The following GORASP1 variants were observed in gnomAD, a reference collection of about 807,000 sequenced individuals.
GORASP1 encodes the protein golgi reassembly stacking protein 1.
In GORASP1, 31 loss-of-function variants were observed where a neutral mutation model predicts 37.7. That is an observed-to-expected ratio of 0.82 (90% CI 0.62 to 1.11). GORASP1 has a LOEUF of 1.11. GORASP1 is among the 50% of genes least tolerant of loss of function. The pLI is 0.00. For synonymous variants in GORASP1, 204 were observed against 224.8 expected (o/e 0.91, Z 0.83); for missense variants, 476 against 560.7 (o/e 0.85, Z 1.53).
chr3:39,098,098 G>C lies in GORASP1; in HGVS notation c.*138C>G, dbSNP rs1486506798. ...AAGATATCCTCCCACAAGGCCCATG[G>C]CCCCCTCTCACCACCCACTGAGGCC... is the stretch of plus-strand genomic sequence containing the variant. On this transcript the variant is annotated 3_prime_UTR_variant, in exon 9 of 9. Coordinates refer to ENST00000319283, the MANE Select transcript of GORASP1 (RefSeq NM_031899.4). This position sits in a 1 kb window ranked among gnomAD's most constrained non-coding sequence, Gnocchi z 4.7. 14 of 1,001,810 alleles carry C rather than the reference G, an allele frequency of 1.4e-5. No homozygotes were observed. Among genetic ancestry groups the C allele is most frequent in the Non-Finnish European group, 2.1e-5 (14 of 680,978 alleles). 62.1% of individuals were successfully genotyped at this position (1,001,810 alleles called of 1,614,324 possible). A position where few individuals can be genotyped will look rare whatever the true frequency, so the allele number is the denominator to read the frequency against.
Position 39,102,534 on chromosome 3 carries a change from TC to T in GORASP1, c.348+143del. 1 of 758,890 alleles carries T rather than the reference TC, an allele frequency of 1.3e-6. No individual in the cohort carries two copies. Among genetic ancestry groups the T allele is most frequent in the South Asian group, 1.7e-5 (1 of 60,100 alleles). 47.0% of individuals were successfully genotyped at this position (758,890 alleles called of 1,614,324 possible). On this transcript the variant is annotated intron_variant, in intron 3 of 8. Coordinates refer to ENST00000319283, the MANE Select transcript of GORASP1 (RefSeq NM_031899.4). This position sits in a 1 kb window ranked among gnomAD's most constrained non-coding sequence, Gnocchi z 5.0. Reference sequence around the variant, plus strand: ...TCTGGGACACTGGAATGAGACCACATCCTGCCCTCAGTCTTCCCTGGCCACT... The same window carrying T: ...TCTGGGACACTGGAATGAGACCACATCTGCCCTCAGTCTTCCCTGGCCACT...
rs2035983014 is a variant in GORASP1 at position 39,105,472 on chromosome 3, T to C, written c.64-1919A>G. The stretch of plus-strand genomic sequence containing the variant: ...GTGTCATTTAACCTTTTTAATAACC[T>C]CAAATGACAAATGAGACCAAGTACT... On this transcript the variant is annotated intron_variant, in intron 1 of 8. Coordinates refer to ENST00000319283, the MANE Select transcript of GORASP1 (RefSeq NM_031899.4). The surrounding 1 kb of genome is among the most constrained non-coding windows in gnomAD (Gnocchi z 5.4). Among the ~76,000 whole-genome samples, 1 of 152,126 alleles carries C rather than the reference T, an allele frequency of 6.6e-6. No individual in the cohort carries two copies. The highest frequency in any genetic ancestry group is 2.4e-5 in the African/African-American group (1 of 41,422).
chr3:39,098,958 GGCTC>G lies in GORASP1; in HGVS notation c.917-69_917-66del. The stretch of plus-strand genomic sequence containing the variant: ...CTGACTGCTGGAAAGCAGCACCCTG[GGCTC>G]ACCTTGCCTAGGGCATCTGGCCCAG... On this transcript the variant is annotated intron_variant, in intron 7 of 8. Coordinates refer to ENST00000319283, the MANE Select transcript of GORASP1 (RefSeq NM_031899.4). The surrounding 1 kb of genome is among the most constrained non-coding windows in gnomAD (Gnocchi z 4.7). The G allele has an allele frequency of 6.3e-7, 1 of 1,593,778 alleles. No homozygotes were observed. The highest frequency in any genetic ancestry group is 8.6e-7 in the Non-Finnish European group (1 of 1,168,978).
intron 7 of GORASP1, chr3:39,099,128 ACT>A (rs1484311302): frequency 9.0e-6 from 7 of 774,520 alleles, no homozygotes; most frequent in African/African-American, 1.7e-5. Flanking sequence ...GTAGGCATAG[ACT>A]CTGCTCTGTG....
rs754875008 is a variant in GORASP1 at position 39,097,840 on chromosome 3, C to CA, written c.*395dup. The CA allele has an allele frequency of 8.1e-5, 15 of 184,052 alleles. No homozygotes were observed. Among genetic ancestry groups the CA allele is most frequent in the Non-Finnish European group, 1.6e-4 (14 of 89,478 alleles). 11.4% of individuals were successfully genotyped at this position (184,052 alleles called of 1,614,324 possible). A position where few individuals can be genotyped will look rare whatever the true frequency, so the allele number is the denominator to read the frequency against. On this transcript the variant is annotated 3_prime_UTR_variant, in exon 9 of 9. Transcript: ENST00000319283. ...GGACAAGGACACATGACAGAGGACT[C>CA]AGTGTTTGGGACTTGAAAGGGGGTG...
chr3:39,098,099 C>T lies in GORASP1; in HGVS notation c.*137G>A. ...AGATATCCTCCCACAAGGCCCATGG[C>T]CCCCTCTCACCACCCACTGAGGCCT... is the stretch of plus-strand genomic sequence containing the variant. On this transcript the variant is annotated 3_prime_UTR_variant, in exon 9 of 9. Transcript: ENST00000319283. The surrounding 1 kb of genome is among the most constrained non-coding windows in gnomAD (Gnocchi z 4.7). 2 of 1,016,792 alleles carry T rather than the reference C, an allele frequency of 2.0e-6. No homozygotes were observed. The highest frequency in any genetic ancestry group is 1.6e-5 in the African/African-American group (1 of 62,366). 63.0% of individuals were successfully genotyped at this position (1,016,792 alleles called of 1,614,324 possible).
At position 39,102,893 on chromosome 3, in the gene GORASP1, A is replaced by G. The variant is rs764007564; in HGVS notation, c.145-12T>C. ...TCATTCTCCTTGTTCTGTGGGGGCA[A>G]TGGGGCTGACTCCAAGGCCACCTCA... On this transcript the variant is annotated splice_polypyrimidine_tract_variant and intron_variant, in intron 2 of 8. Coordinates refer to ENST00000319283, the MANE Select transcript of GORASP1 (RefSeq NM_031899.4). The surrounding 1 kb of genome is among the most constrained non-coding windows in gnomAD (Gnocchi z 5.0). 5.6e-6 allele frequency: 9 copies of G among 1,613,204 alleles called. No individual in the cohort carries two copies. The highest frequency in any genetic ancestry group is 2.2e-5 in the East Asian group (1 of 44,866).
chr3:39,102,962 GC>G lies in GORASP1; in HGVS notation c.145-82del. 7.5e-7 allele frequency: 1 copy of G among 1,332,482 alleles called. No homozygotes were observed. The allele number at this position is 1,332,482 out of a possible 1,614,324, so 82.5% of individuals were successfully genotyped here. Reference sequence around the variant, plus strand: ...CAGACAAGTCTGGGCCTGAGATGGGGCAAGGGCCTTAGTGGGCAGCAGCCCT... The same window carrying G: ...CAGACAAGTCTGGGCCTGAGATGGGGAAGGGCCTTAGTGGGCAGCAGCCCT... On this transcript the variant is annotated intron_variant, in intron 2 of 8. Coordinates refer to ENST00000319283, the MANE Select transcript of GORASP1 (RefSeq NM_031899.4). This position sits in a 1 kb window ranked among gnomAD's most constrained non-coding sequence, Gnocchi z 5.0.
At chr3:39,101,534 A>T (rs190956236) in intron 3 of GORASP1, 174 of 457,964 alleles carry the variant, frequency 3.8e-4, no homozygotes, top group African/African-American at 3.3e-3. Context: ...CACCCACTAC[A>T]TTGCTGCTTC....
At chr3:39,101,281 C>A in intron 3 of GORASP1, 179 bp from the exon 4 acceptor site, 1 of 644,090 alleles carries the variant, frequency 1.6e-6, no homozygotes, top group Non-Finnish European at 2.8e-6. Context: ...TCCCCCAGGT[C>A]TACAGCCTGT....
rs1033173088 is a variant in GORASP1 at position 39,100,112 on chromosome 3, T to C, written c.765+193A>G. The stretch of plus-strand genomic sequence containing the variant: ...ACTGGTGCTTCACCTCCACCCTCAC[T>C]TCTAGACCCAAGGGGCAGGAAAGCC... On this transcript the variant is annotated intron_variant, in intron 6 of 8. Transcript: ENST00000319283. The surrounding 1 kb of genome is among the most constrained non-coding windows in gnomAD (Gnocchi z 4.6). Among the ~76,000 whole-genome samples, 1 of 152,198 alleles carries C rather than the reference T, an allele frequency of 6.6e-6. No individual in the cohort carries two copies. Among genetic ancestry groups the C allele is most frequent in the African/African-American group, 2.4e-5 (1 of 41,440 alleles).
intron 1 of GORASP1, 198 bp downstream of exon 1, chr3:39,107,281 G>A (rs1054775521): frequency 4.0e-6 from 2 of 505,990 alleles, no homozygotes; most frequent in Non-Finnish European, 7.2e-6. Context: ...CGCGGCCGCG[G>A]ACTAGCCAGG....
At position 39,100,553 on chromosome 3, in the gene GORASP1, C is replaced by T; in HGVS notation, c.567-50G>A. ...TCCAGGGGCTTGTCCCACGGCCCTC[C>T]CTACCTTTGCTATCCCCACCTACTA... On this transcript the variant is annotated intron_variant, in intron 5 of 8. Coordinates refer to ENST00000319283, the MANE Select transcript of GORASP1 (RefSeq NM_031899.4). The surrounding 1 kb of genome is among the most constrained non-coding windows in gnomAD (Gnocchi z 4.6). The T allele has an allele frequency of 6.6e-7, 1 of 1,514,866 alleles. No individual in the cohort carries two copies. Among genetic ancestry groups the T allele is most frequent in the Admixed American group, 2.2e-5 (1 of 45,882 alleles). 93.8% of individuals were successfully genotyped at this position (1,514,866 alleles called of 1,614,324 possible).
chr3:39,104,078 G>A (rs1415978649), intron 1 of GORASP1, among the ~76,000 whole-genome samples: 2 of 152,162 alleles, frequency 1.3e-5, no homozygotes, highest in Non-Finnish European at 2.9e-5. Flanking sequence ...TGGGGTGGGA[G>A]ACCCAGGCTC....
rs753027838 is a variant in GORASP1 at position 39,099,472 on chromosome 3, T to C, written c.797A>G (p.Glu266Gly). 2 of 1,611,184 alleles carry C rather than the reference T, an allele frequency of 1.2e-6. No individual in the cohort carries two copies. The highest frequency in any genetic ancestry group is 1.7e-6 in the Non-Finnish European group (2 of 1,178,878). The change falls in exon 7 of 9, where the codon GAG (glutamate) becomes GGG (glycine). Residue 266 changes from glutamate to glycine, a missense_variant. Transcript: ENST00000319283. ...ALLQAPGSSMEDPLPGPGSPS... is the reference protein window; with the variant it reads ...ALLQAPGSSMGDPLPGPGSPS... The stretch of plus-strand genomic sequence containing the variant: ...ACTCCCAGGCCCAGGAAGGGGATCC[T>C]CCATGGAGGAGCCAGGTGCCTGCAG...
At chr3:39,107,134 T>C in intron 1 of GORASP1, 1 of 508,398 alleles carries the variant, frequency 2.0e-6, no homozygotes, top group East Asian at 5.4e-5. Context: ...AGCGTAAATG[T>C]GTGCTAAGTG....
In GORASP1 at chr3:39,098,976, C is replaced by A; in HGVS notation, c.917-83G>T. ...CACCCTGGGCTCACCTTGCCTAGGG[C>A]ATCTGGCCCAGCCTGTGAGACTGTA... is the stretch of plus-strand genomic sequence containing the variant. On this transcript the variant is annotated intron_variant, in intron 7 of 8. Coordinates refer to ENST00000319283, the MANE Select transcript of GORASP1 (RefSeq NM_031899.4). This position sits in a 1 kb window ranked among gnomAD's most constrained non-coding sequence, Gnocchi z 4.7. 6.5e-7 allele frequency: 1 copy of A among 1,538,044 alleles called. No individual in the cohort carries two copies. The highest frequency in any genetic ancestry group is 1.2e-5 in the South Asian group (1 of 84,398).
In GORASP1 at chr3:39,100,591, G is replaced by A. The variant is rs1378423826; in HGVS notation, c.567-88C>T. 1 of 1,470,754 alleles carries A rather than the reference G, an allele frequency of 6.8e-7. No individual in the cohort carries two copies. The highest frequency in any genetic ancestry group is 9.2e-7 in the Non-Finnish European group (1 of 1,090,444). The allele number at this position is 1,470,754 out of a possible 1,614,324, so 91.1% of individuals were successfully genotyped here. ...TCCCCACCTACTACCAGCAATAAGG[G>A]GGCTGAAAAGGGTACTTCTGAAATA... is the stretch of plus-strand genomic sequence containing the variant. On this transcript the variant is annotated intron_variant, in intron 5 of 8. Transcript: ENST00000319283. This position sits in a 1 kb window ranked among gnomAD's most constrained non-coding sequence, Gnocchi z 4.6.
At chr3:39,106,955 C>T (rs1316708573) in intron 1 of GORASP1, 5 of 400,050 alleles carry the variant, frequency 1.2e-5, no homozygotes, top group Non-Finnish European at 2.6e-5. Flanking sequence ...GGCTGGTTTG[C>T]ACCGGTCCTC....
Sources: gnomAD v4.1 joint callset for allele counts (sites outside exome capture counted in the v4.1 genomes callset) on GRCh38, gnomAD v4.1.1 for gene constraint, Gnocchi (gnomAD v3.1) non-coding constraint, MANE v1.5 for transcripts, NCBI Gene and HGNC (gene_info 2026-07-23, HGNC 2026-07-21) for gene names.